USP1: variants seen among roughly 807,000 people sequenced by gnomAD.
USP1 encodes ubiquitin specific peptidase 1.
USP1 carries 18 observed loss-of-function variants against 72.2 expected under a neutral mutation model. That is an observed-to-expected ratio of 0.25 (90% CI 0.17 to 0.37). USP1 has a LOEUF of 0.37. Ranked by LOEUF, USP1 falls within the 10% of genes least tolerant of loss-of-function variation. USP1 has a pLI of 1.00. For synonymous variants in USP1, 354 were observed against 303.7 expected (o/e 1.17, Z -1.72); for missense variants, 759 against 884.9 (o/e 0.86, Z 1.81).
rs1040964543 is a variant in USP1, at chr1:62,437,451, C to G, written c.-70+51C>G. 4.3e-5 allele frequency: 14 copies of G among 329,240 alleles called. No homozygotes were observed. In the Admixed American group the frequency reaches 6.9e-4, roughly 16 times the overall value. The allele number at this position is 329,240 out of a possible 1,614,324, so 20.4% of individuals were successfully genotyped here. A position where few individuals can be genotyped will look rare whatever the true frequency, so the allele number is the denominator to read the frequency against. On this transcript the variant is annotated intron_variant, in intron 1 of 8. Coordinates refer to ENST00000339950, the MANE Select transcript of USP1 (RefSeq NM_003368.5). ...CGGCTCCCGGGCGCGGGGGCAAGTT[C>G]GGCCGGCGCGGGAGAGGAGCTGCCG...
chr1:62,450,186 T>G, intron 8 of USP1, 60 bp from the exon 9 acceptor site: 4 of 1,542,328 alleles, frequency 2.6e-6, no homozygotes, highest in Non-Finnish European at 3.5e-6. Flanking sequence ...CAGATTGGGG[T>G]ATAACATTTT....
At position 62,450,896 on chromosome 1, in the gene USP1, C is replaced by G. The variant is rs1645211591; in HGVS notation, c.2273C>G (p.Thr758Ser). 2 of 1,613,964 alleles carry G rather than the reference C, an allele frequency of 1.2e-6. No individual in the cohort carries two copies. The highest frequency in any genetic ancestry group is 2.7e-5 in the African/African-American group (2 of 75,032). ...LLFDDSEVKVTEEKDFLNSLS... is the reference protein window; with the variant it reads ...LLFDDSEVKVSEEKDFLNSLS... ...TTTGATGATTCTGAAGTCAAAGTTACTGAAGAGAAGGACTTTCTGAATTCT... is the reference window on the plus strand; with the variant it reads ...TTTGATGATTCTGAAGTCAAAGTTAGTGAAGAGAAGGACTTTCTGAATTCT... The change falls in exon 9 of 9, where the codon ACT becomes AGT. Residue 758 changes from threonine to serine, a missense_variant. Thr to Ser is a moderately conservative substitution (Grantham distance 58). Around this residue, in one of 9 missense-constraint regions of USP1, gnomAD observed 7 missense variants for 24.0 expected, o/e 0.29. Coordinates refer to ENST00000339950, the MANE Select transcript of USP1 (RefSeq NM_003368.5).
intron 4 of USP1, among the ~76,000 whole-genome samples, chr1:62,442,848 C>A (rs1645143226): frequency 6.6e-6 from 1 of 151,778 alleles, no homozygotes; most frequent in Non-Finnish European, 1.5e-5. Flanking sequence ...ACTAAAAATA[C>A]AAAAACTAGT....
At position 62,451,303 on chromosome 1, in the gene USP1, C is replaced by G; in HGVS notation, c.*322C>G. ...TGTTTGCTTTTTAAAATAAAGTGCT[C>G]GTATTTGTATTCTCCATATTTTGGA... On this transcript the variant is annotated 3_prime_UTR_variant, in exon 9 of 9. Transcript: ENST00000339950. The G allele has an allele frequency of 5.4e-6, 1 of 186,460 alleles. No individual in the cohort carries two copies. 11.6% of individuals were successfully genotyped at this position (186,460 alleles called of 1,614,324 possible). A position where few individuals can be genotyped will look rare whatever the true frequency, so the allele number is the denominator to read the frequency against.
At position 62,439,855 on chromosome 1, in the gene USP1, T is replaced by C. The variant is rs772116038; in HGVS notation, c.-13T>C. 1 of 1,386,222 alleles carries C rather than the reference T, an allele frequency of 7.2e-7. No individual in the cohort carries two copies. Among genetic ancestry groups the C allele is most frequent in the Admixed American group, 2.9e-5 (1 of 34,788 alleles). 85.9% of individuals were successfully genotyped at this position (1,386,222 alleles called of 1,614,324 possible). A position where few individuals can be genotyped will look rare whatever the true frequency, so the allele number is the denominator to read the frequency against. ...AATTAACTCTTGACACTCCTTGGGA[T>C]TTGAAGAAAAAAATGCCTGGTGTCA... On this transcript the variant is annotated 5_prime_UTR_variant, in exon 2 of 9. Transcript: ENST00000339950.
intron 4 of USP1, 141 bp from the exon 5 acceptor site, chr1:62,443,018 A>G: frequency 2.3e-6 from 2 of 880,350 alleles, no homozygotes; most frequent in East Asian, 5.9e-5. Context: ...AATAAAAAAT[A>G]AGGCTTATTT....
intron 8 of USP1, among the ~76,000 whole-genome samples, 166 bp downstream of exon 8, chr1:62,448,832 A>C (rs1400466046): frequency 2.0e-5 from 3 of 152,230 alleles, no homozygotes; most frequent in Non-Finnish European, 4.4e-5. Flanking sequence ...TGTAAAAATG[A>C]AACAACTTAA....
chr1:62,450,735 T>G lies in USP1; in HGVS notation c.2112T>G (p.Ser704Arg). Residue 704 changes from serine to arginine, a missense_variant, in exon 9 of 9, where the codon AGT becomes AGG. Ser to Arg is a moderately radical substitution (Grantham distance 110). This residue lies in a region of USP1 where 159 missense variants were observed against 140.9 expected (regional missense o/e 1.13). Transcript: ENST00000339950. Reference sequence around the variant, plus strand: ...CTGAAAATAGAAATTCTGAGACTAGTGATACTACTGGGACCCATGAATCTG... The same window carrying G: ...CTGAAAATAGAAATTCTGAGACTAGGGATACTACTGGGACCCATGAATCTG... Reference protein sequence around the residue: ...AFAENRNSETSDTTGTHESDR... With the variant: ...AFAENRNSETRDTTGTHESDR... 6.2e-7 allele frequency: 1 copy of G among 1,613,964 alleles called. No individual in the cohort carries two copies. The highest frequency in any genetic ancestry group is 8.5e-7 in the Non-Finnish European group (1 of 1,179,964).
In USP1 at chr1:62,445,242, A is replaced by G; in HGVS notation, c.1062A>G (p.Lys354=). The change falls in exon 6 of 9, where the codon AAA becomes AAG. Residue 354 remains lysine, a synonymous_variant. Coordinates refer to ENST00000339950, the MANE Select transcript of USP1 (RefSeq NM_003368.5). The stretch of plus-strand genomic sequence containing the variant: ...CTAAGCAACCCAGCATTCTTTCTAA[A>G]TTTTGTAGTCTGGGAAAAATAACAA... ...SATKQPSILS[K]FCSLGKITTN... is the part of the protein sequence containing the mutation. 5 of 1,611,964 alleles carry G rather than the reference A, an allele frequency of 3.1e-6. No individual in the cohort carries two copies. The highest frequency in any genetic ancestry group is 4.2e-6 in the Non-Finnish European group (5 of 1,179,446).
In USP1 at chr1:62,451,061, AGCTT is replaced by A. The variant is rs1473842265; in HGVS notation, c.*81_*84del. On this transcript the variant is annotated 3_prime_UTR_variant, in exon 9 of 9. Coordinates refer to ENST00000339950, the MANE Select transcript of USP1 (RefSeq NM_003368.5). ...AAGTTGATTACATCAAAGAATCTTTAGCTTATCTTTTGAAGCTACTGGATATTAT... is the reference window on the plus strand; with the variant it reads ...AAGTTGATTACATCAAAGAATCTTTAATCTTTTGAAGCTACTGGATATTAT... The A allele has an allele frequency of 6.6e-6, 9 of 1,370,006 alleles. No homozygotes were observed. Among genetic ancestry groups the A allele is most frequent in the Non-Finnish European group, 8.8e-6 (9 of 1,027,376 alleles). 84.9% of individuals were successfully genotyped at this position (1,370,006 alleles called of 1,614,324 possible). A position where few individuals can be genotyped will look rare whatever the true frequency, so the allele number is the denominator to read the frequency against.
In USP1 at chr1:62,439,901, C is replaced by A; in HGVS notation, c.34C>A (p.Leu12Ile). 1 of 1,533,676 alleles carries A rather than the reference C, an allele frequency of 6.5e-7. No homozygotes were observed. Residue 12 changes from leucine to isoleucine, a missense_variant, in exon 2 of 9, where the codon CTT becomes ATT. Physicochemically the swap from Leu to Ile is conservative, Grantham distance 5. Around this residue, in one of 9 missense-constraint regions of USP1, gnomAD observed 86 missense variants for 82.0 expected, o/e 1.05. Transcript: ENST00000339950. Reference sequence around the variant, plus strand: ...TGTCATACCTAGTGAAAGTAATGGACTTTCAAGAGGTAGCCCTTCAAAGAA... The same window carrying A: ...TGTCATACCTAGTGAAAGTAATGGAATTTCAAGAGGTAGCCCTTCAAAGAA... The part of the protein sequence containing the change: ...PGVIPSESNG[L>I]SRGSPSKKNR...
At position 62,439,862 on chromosome 1, in the gene USP1, A is replaced by G. The variant is rs773578077; in HGVS notation, c.-6A>G. ...TCTTGACACTCCTTGGGATTTGAAG[A>G]AAAAAATGCCTGGTGTCATACCTAG... On this transcript the variant is annotated 5_prime_UTR_variant, in exon 2 of 9. Transcript: ENST00000339950. 26 of 1,389,448 alleles carry G rather than the reference A, an allele frequency of 1.9e-5. No homozygotes were observed. The highest frequency in any genetic ancestry group is 2.3e-5 in the Non-Finnish European group (24 of 1,063,168). The allele number at this position is 1,389,448 out of a possible 1,614,324, so 86.1% of individuals were successfully genotyped here. A position where few individuals can be genotyped will look rare whatever the true frequency, so the allele number is the denominator to read the frequency against.
rs867170846 is a variant in USP1 at position 62,450,473 on chromosome 1, A to G, written c.1850A>G (p.Gln617Arg). ...GATAAAGGAAATTTTGTGGTTGACC[A>G]AATGTGTGAAATAGGTAAGCCAGAA... ...ELDKGNFVVD[Q>R]MCEIGKPEPL... The change falls in exon 9 of 9, where the codon CAA (glutamine) becomes CGA (arginine). Residue 617 changes from glutamine to arginine, a missense_variant. By Grantham distance (43) the Gln-to-Arg change is conservative (BLOSUM62 1). Coordinates refer to ENST00000339950, the MANE Select transcript of USP1 (RefSeq NM_003368.5). 6.2e-7 allele frequency: 1 copy of G among 1,614,146 alleles called. No individual in the cohort carries two copies.
rs1361727055 is a variant in USP1, at chr1:62,451,161, A to G, written c.*180A>G. ...AAAACCATGTTAATTTTTAGAACTC[A>G]TTTTCCTCAGTAGAGACTAGTGATG... is the stretch of plus-strand genomic sequence containing the variant. On this transcript the variant is annotated 3_prime_UTR_variant, in exon 9 of 9. Coordinates refer to ENST00000339950, the MANE Select transcript of USP1 (RefSeq NM_003368.5). The G allele has an allele frequency of 6.2e-6, 4 of 645,102 alleles. No individual in the cohort carries two copies. The highest frequency in any genetic ancestry group is 3.8e-5 in the African/African-American group (2 of 52,884). The allele number at this position is 645,102 out of a possible 1,614,324, so 40.0% of individuals were successfully genotyped here. A position where few individuals can be genotyped will look rare whatever the true frequency, so the allele number is the denominator to read the frequency against.
At chr1:62,436,766 G>A, upstream of USP1, 2 of 215,276 alleles carry the variant, frequency 9.3e-6, no homozygotes, top group Non-Finnish European at 1.8e-5. Context: ...CGCCAGCCAG[G>A]CCGCTAGCAC....
rs1328569275 is a variant in USP1 at position 62,445,420 on chromosome 1, A to G, written c.1240A>G (p.Ile414Val). The G allele has an allele frequency of 3.2e-6, 5 of 1,555,820 alleles. No homozygotes were observed. The African/African-American group carries it at 4.1e-5, about 13-fold the overall frequency. Residue 414 changes from isoleucine (I) to valine (V), a missense_variant, in exon 6 of 9, where the codon ATA becomes GTA. Ile to Val is a conservative substitution (Grantham distance 29). This residue lies in a region of USP1 where 245 missense variants were observed against 240.7 expected (regional missense o/e 1.02). Coordinates refer to ENST00000339950, the MANE Select transcript of USP1 (RefSeq NM_003368.5). ...TPVNVNEVKP[I>V]NKGEEQIGFE... ...TGTAAATGTTAATGAAGTTAAACCCATAAACAAAGGTTAGTATAATTCTTA... is the reference window on the plus strand; with the variant it reads ...TGTAAATGTTAATGAAGTTAAACCCGTAAACAAAGGTTAGTATAATTCTTA...
chr1:62,447,112 C>G (rs1337147134), intron 6 of USP1, among the ~76,000 whole-genome samples: 1 of 152,176 alleles, frequency 6.6e-6, no homozygotes, highest in East Asian at 1.9e-4. Context: ...TGTGCCCGGC[C>G]TACAACTGAC....
chr1:62,450,019 T>G (rs1645202825), intron 8 of USP1, among the ~76,000 whole-genome samples: 2 of 152,222 alleles, frequency 1.3e-5, no homozygotes, highest in African/African-American at 4.8e-5. Flanking sequence ...AATACAATTA[T>G]TTCTTCCACA....
Position 62,441,515 on chromosome 1 carries a change from T to G in USP1, c.198T>G (p.Ser66=). Residue 66 remains serine, a synonymous_variant, in exon 3 of 9, where the codon TCT becomes TCG. Coordinates refer to ENST00000339950, the MANE Select transcript of USP1 (RefSeq NM_003368.5). ...EIDQVVPAAQ[S]SPINCEKREN... ...ATCAAGTTGTTCCTGCAGCACAGTCTTCACCTATAAACTGTGAGAAGAGAG... is the reference window on the plus strand; with the variant it reads ...ATCAAGTTGTTCCTGCAGCACAGTCGTCACCTATAAACTGTGAGAAGAGAG... The G allele has an allele frequency of 1.2e-6, 2 of 1,613,006 alleles. No homozygotes were observed. Among genetic ancestry groups the G allele is most frequent in the Non-Finnish European group, 1.7e-6 (2 of 1,179,610 alleles).
Sources: allele counts gnomAD v4.1 joint callset (sites outside exome capture counted in the v4.1 genomes callset), GRCh38; gene constraint gnomAD v4.1.1; regional missense constraint gnomAD v4.1.1; transcripts MANE v1.5; gene names NCBI Gene and HGNC (gene_info 2026-07-23, HGNC 2026-07-21).